Variants in MYO1E observed in about 807,000 individuals in gnomAD.
The protein encoded by MYO1E is myosin IE.
MYO1E carries 68 observed loss-of-function variants against 151.1 expected under a neutral mutation model. The observed-to-expected ratio is 0.45, with a 90% CI of 0.37 to 0.55. The LOEUF (loss-of-function observed/expected upper bound fraction) is 0.55. MYO1E is among the 20% of genes least tolerant of loss of function. MYO1E has a pLI of 0.00. For synonymous variants in MYO1E, 601 were observed against 501.7 expected (o/e 1.20, Z -2.64); for missense variants, 1,363 against 1,389.3 (o/e 0.98, Z 0.30).
chr15:59,337,368 A>C (rs2080735467), intron 1 of MYO1E, among the ~76,000 whole-genome samples: 1 of 152,178 alleles, frequency 6.6e-6, no homozygotes, highest in African/African-American at 2.4e-5. Context: ...CATATCTACA[A>C]CTGCTGAGCT....
chr15:59,195,438 C>T lies in MYO1E; in HGVS notation c.1805+23G>A, dbSNP rs200218181. The T allele has an allele frequency of 1.1e-5, 17 of 1,591,444 alleles. No homozygotes were observed. In the East Asian group the frequency reaches 2.5e-4, roughly 23 times the overall value. On this transcript the variant is annotated intron_variant, in intron 17 of 27. Coordinates refer to ENST00000288235, the MANE Select transcript of MYO1E (RefSeq NM_004998.4). ...CAGAGGGAAAAAGGTCCCGGCCCCA[C>T]CTAAGCCGGTTTCCCCCGATACCTG...
chr15:59,304,096 C>T (rs982230510), intron 1 of MYO1E, among the ~76,000 whole-genome samples: 2 of 150,944 alleles, frequency 1.3e-5, no homozygotes, highest in South Asian at 2.1e-4. Flanking sequence ...GATTCTCCTG[C>T]GTTAGTCTCT....
chr15:59,251,044 A>C (rs538583019), intron 4 of MYO1E, among the ~76,000 whole-genome samples: 51 of 152,312 alleles, frequency 3.3e-4, no homozygotes, highest in African/African-American at 1.2e-3. Context: ...AAATGTGAGG[A>C]AAGAGAAAGG....
intron 18 of MYO1E, among the ~76,000 whole-genome samples, chr15:59,183,693 ACT>A (rs1373163607): frequency 7.9e-5 from 12 of 151,916 alleles, no homozygotes; most frequent in African/African-American, 2.7e-4. Flanking sequence ...ATCCAACTAT[ACT>A]CTTTTAGTTG....
chr15:59,211,184 A>G (rs1334791084), intron 12 of MYO1E, among the ~76,000 whole-genome samples: 1 of 145,296 alleles, frequency 6.9e-6, no homozygotes, highest in East Asian at 2.0e-4. Flanking sequence ...TGGATGACAG[A>G]GCGAAACTCC....
At chr15:59,179,936 C>A (rs1016428031) in intron 18 of MYO1E, among the ~76,000 whole-genome samples, 1 of 152,200 alleles carries the variant, frequency 6.6e-6, no homozygotes, top group South Asian at 2.1e-4. Flanking sequence ...GCAATAGGCC[C>A]CCAGGCCTTG....
chr15:59,263,903 T>C (rs1256731721), intron 2 of MYO1E, among the ~76,000 whole-genome samples: 2 of 152,130 alleles, frequency 1.3e-5, no homozygotes, highest in Non-Finnish European at 2.9e-5. Context: ...TTAGGACACA[T>C]ACATGTACTG....
At position 59,307,592 on chromosome 15, in the gene MYO1E, A is replaced by G. The variant is rs555192937; in HGVS notation, c.4-35143T>C. The stretch of plus-strand genomic sequence containing the variant: ...AGTATATTATTTGTAAATGATTCCA[A>G]TGAGTTTAGTTTTTGTTTTTGGTTT... On this transcript the variant is annotated intron_variant, in intron 1 of 27. Transcript: ENST00000288235. Among the ~76,000 whole-genome samples the G allele has an allele frequency of 2.0e-5, 3 of 149,370 alleles. 1 individual carries two copies. Among genetic ancestry groups the G allele is most frequent in the African/African-American group, 7.7e-5 (3 of 39,214 alleles).
intron 2 of MYO1E, among the ~76,000 whole-genome samples, chr15:59,262,713 C>A (rs1777557685): frequency 6.6e-6 from 1 of 152,096 alleles, no homozygotes; most frequent in Admixed American, 6.5e-5. Context: ...AACCCACCTA[C>A]ATCAGGTTTA....
At chr15:59,332,845 G>A (rs1460286993) in intron 1 of MYO1E, among the ~76,000 whole-genome samples, 1 of 151,928 alleles carries the variant, frequency 6.6e-6, no homozygotes, top group African/African-American at 2.4e-5. Context: ...TTACAGGCAT[G>A]AGCCACCACG....
chr15:59,208,891 C>T, intron 13 of MYO1E, 43 bp from the exon 14 acceptor site: 1 of 1,609,596 alleles, frequency 6.2e-7, no homozygotes, highest in Non-Finnish European at 8.5e-7. Flanking sequence ...CTGACCTCTC[C>T]AAAACAGACA....
intron 21 of MYO1E, among the ~76,000 whole-genome samples, chr15:59,173,462 C>T (rs560783821): frequency 1.3e-5 from 2 of 152,130 alleles, no homozygotes; most frequent in Non-Finnish European, 2.9e-5. Flanking sequence ...AAAACCACTT[C>T]AGGACATAAA....
chr15:59,305,905 G>A (rs1450221288), intron 1 of MYO1E, among the ~76,000 whole-genome samples: 1 of 152,150 alleles, frequency 6.6e-6, no homozygotes, highest in Non-Finnish European at 1.5e-5. Context: ...TAAGGATGAG[G>A]ACAGACCAAG....
At chr15:59,202,437 A>T in intron 15 of MYO1E, 30 bp from the exon 16 acceptor site, 1 of 1,587,234 alleles carries the variant, frequency 6.3e-7, no homozygotes, top group Non-Finnish European at 8.7e-7. Context: ...ATGAATTAAC[A>T]ATCTGTAAGT....
intron 3 of MYO1E, 147 bp downstream of exon 3, chr15:59,261,273 C>A (rs2080223158): frequency 2.5e-6 from 1 of 405,900 alleles, no homozygotes; most frequent in Non-Finnish European, 4.5e-6. Flanking sequence ...AAAAGCAGAT[C>A]ATTAAAAATC....
At position 59,173,927 on chromosome 15, in the gene MYO1E, A is replaced by C; in HGVS notation, c.2165-12T>G. 1 of 1,613,720 alleles carries C rather than the reference A, an allele frequency of 6.2e-7. No homozygotes were observed. Among genetic ancestry groups the C allele is most frequent in the Middle Eastern group, 1.7e-4 (1 of 6,060 alleles). ...TAAGAGGTCTGAGGCTACAATTCCC[A>C]AGAGGGTCAAGATGGAAGAAGGATA... On this transcript the variant is annotated splice_polypyrimidine_tract_variant and intron_variant, in intron 20 of 27. Transcript: ENST00000288235.
intron 2 of MYO1E, among the ~76,000 whole-genome samples, chr15:59,270,113 G>A (rs2080280613): frequency 6.6e-6 from 1 of 152,120 alleles, no homozygotes; most frequent in Non-Finnish European, 1.5e-5. Flanking sequence ...TGATCCAGAA[G>A]TTATATAAGT....
chr15:59,199,222 G>C (rs1025612762), intron 16 of MYO1E, among the ~76,000 whole-genome samples: 1 of 152,054 alleles, frequency 6.6e-6, no homozygotes, highest in African/African-American at 2.4e-5. Context: ...TCAGCCTCCT[G>C]AGTAGCTGGC....
Position 59,188,230 on chromosome 15 carries a change from A to G in MYO1E, c.1806-14T>C. On this transcript the variant is annotated splice_polypyrimidine_tract_variant and intron_variant, in intron 17 of 27. Transcript: ENST00000288235. ...TGATGCTTTACCCTGTGCAAAGGAG[A>G]AAATGGGGCCTGGACATTACTGGAT... The G allele has an allele frequency of 6.2e-7, 1 of 1,601,138 alleles. No individual in the cohort carries two copies. The highest frequency in any genetic ancestry group is 8.6e-7 in the Non-Finnish European group (1 of 1,168,450).
Sources: allele counts gnomAD v4.1 joint callset (sites outside exome capture counted in the v4.1 genomes callset), GRCh38; gene constraint gnomAD v4.1.1; transcripts MANE v1.5; gene names NCBI Gene and HGNC (gene_info 2026-07-23, HGNC 2026-07-21).